Variants in COX10 observed in about 807,000 individuals in gnomAD.
COX10 encodes the protein protoheme IX farnesyltransferase, mitochondrial.
COX10 carries 27 observed loss-of-function variants against 37.3 expected under a neutral mutation model. The observed-to-expected ratio is 0.72, with a 90% confidence interval of 0.53 to 1.00. The LOEUF is 1.00. Ranked by LOEUF, COX10 falls within the 50% of genes least tolerant of loss-of-function variation. The probability of loss-of-function intolerance (pLI) is 0.00; values close to 1 mark genes in which losing one functional copy is unlikely to be tolerated. For missense variants in COX10, 475 were observed against 563.2 expected, an observed-to-expected ratio of 0.84 and a Z score of 1.59; for synonymous variants, 222 against 229.1, an observed-to-expected ratio of 0.97 and a Z score of 0.28.
chr17:14,201,250 T>G lies in COX10; in HGVS notation c.929-5560T>G, dbSNP rs2142269066. ...CACAGCCCCGGCACTAATTCAAGTC[T>G]TCCTGTTCTAGTTCACCTTATCTTG... On this transcript the variant is annotated intron_variant, in intron 6 of 6. Coordinates refer to ENST00000261643, the MANE Select transcript of COX10 (RefSeq NM_001303.4). 2.0e-5 allele frequency among the ~76,000 whole-genome samples: 3 copies of G among 152,366 alleles called. No individual in the cohort carries two copies. In the Middle Eastern group the frequency reaches 0.01, roughly 518 times the overall value.
chr17:14,140,775 A>G (rs1432724119), intron 4 of COX10, among the ~76,000 whole-genome samples: 1 of 152,132 alleles, frequency 6.6e-6, no homozygotes, highest in Non-Finnish European at 1.5e-5. Context: ...AGTAATCTTC[A>G]ATGAGCTTGT....
chr17:14,138,641 G>A (rs1904450070), intron 4 of COX10, among the ~76,000 whole-genome samples: 1 of 152,094 alleles, frequency 6.6e-6, no homozygotes, highest in Admixed American at 6.6e-5. Flanking sequence ...GCCACATTTT[G>A]GACGTATGGT....
chr17:14,084,798 T>C (rs1295745141), intron 3 of COX10, among the ~76,000 whole-genome samples: 3 of 152,084 alleles, frequency 2.0e-5, no homozygotes, highest in Non-Finnish European at 4.4e-5. Flanking sequence ...GTAGTTGGGA[T>C]TATAGGTGCC....
At chr17:14,106,951 G>T (rs1915905311) in intron 4 of COX10, among the ~76,000 whole-genome samples, 1 of 152,122 alleles carries the variant, frequency 6.6e-6, no homozygotes, top group South Asian at 2.1e-4. Context: ...TTACAGTGAG[G>T]TCTTTTTATT....
At chr17:14,127,927 A>ATGTG (rs67774468) in intron 4 of COX10, among the ~76,000 whole-genome samples, 6,969 of 143,622 alleles carry the variant, frequency 0.049, 162 homozygotes, top group South Asian at 0.071. Context: ...GAGTGTGTGT[A>ATGTG]TGTGTGTGTG....
At chr17:14,175,454 G>A (rs1258475358) in intron 5 of COX10, among the ~76,000 whole-genome samples, 1 of 151,564 alleles carries the variant, frequency 6.6e-6, no homozygotes, top group African/African-American at 2.4e-5. Flanking sequence ...TATAAAATGA[G>A]GTTTGTGCCT....
intron 4 of COX10, among the ~76,000 whole-genome samples, chr17:14,103,443 C>T (rs1414458038): frequency 6.6e-6 from 1 of 152,104 alleles, no homozygotes; most frequent in Non-Finnish European, 1.5e-5. Flanking sequence ...TAGTTTTCAG[C>T]CTCCTTTTCG....
chr17:14,204,680 G>T (rs1906641476), intron 6 of COX10, among the ~76,000 whole-genome samples: 1 of 151,792 alleles, frequency 6.6e-6, no homozygotes, highest in South Asian at 2.1e-4. Context: ...CTTAGCACTG[G>T]TGCCCCTCCC....
rs187916491 is a variant in COX10 at position 14,143,459 on chromosome 17, C to T, written c.625-16418C>T. ...ATTGTGGAGAAAATGGGCAGTAGAGCAATTTTACCTAAGCTGAAATGCACT... is the reference window on the plus strand; with the variant it reads ...ATTGTGGAGAAAATGGGCAGTAGAGTAATTTTACCTAAGCTGAAATGCACT... On this transcript the variant is annotated intron_variant, in intron 4 of 6. Transcript: ENST00000261643. Among the ~76,000 whole-genome samples the T allele has an allele frequency of 2.0e-3, 311 of 152,194 alleles. 1 individual carries two copies. Among genetic ancestry groups the T allele is most frequent in the African/African-American group, 7.2e-3 (297 of 41,526 alleles).
intron 4 of COX10, among the ~76,000 whole-genome samples, chr17:14,114,943 A>G (rs189788998): frequency 1.6e-3 from 240 of 152,260 alleles, no homozygotes; most frequent in African/African-American, 5.3e-3. Flanking sequence ...AACTCCTTGT[A>G]TATGGCTCTG....
chr17:14,125,539 A>G (rs1013529546), intron 4 of COX10, among the ~76,000 whole-genome samples: 8 of 152,200 alleles, frequency 5.3e-5, no homozygotes, highest in Admixed American at 1.3e-4. Context: ...AGGCAAATAC[A>G]TTTGAGAGAG....
At chr17:14,193,905 A>G (rs1022524499) in intron 6 of COX10, among the ~76,000 whole-genome samples, 3 of 151,604 alleles carry the variant, frequency 2.0e-5, no homozygotes, top group Admixed American at 6.6e-5. Context: ...TAGGCTGTGC[A>G]TGGGGAGTAT....
In COX10 at chr17:14,207,407, C is replaced by A. The variant is rs1301760730; in HGVS notation, c.*194C>A. ...GCTCCCCAAATAAGAAATGCATCAG[C>A]TCAGTCAGTGAATACAAAAAAGGAA... On this transcript the variant is annotated 3_prime_UTR_variant, in exon 7 of 7. Transcript: ENST00000261643. 1 of 705,898 alleles carries A rather than the reference C, an allele frequency of 1.4e-6. No individual in the cohort carries two copies. Among genetic ancestry groups the A allele is most frequent in the Non-Finnish European group, 2.2e-6 (1 of 445,474 alleles). The allele number at this position is 705,898 out of a possible 1,614,324, so 43.7% of individuals were successfully genotyped here. A position where few individuals can be genotyped will look rare whatever the true frequency, so the allele number is the denominator to read the frequency against.
chr17:14,119,269 C>A (rs1174601188), intron 4 of COX10, among the ~76,000 whole-genome samples: 1 of 152,118 alleles, frequency 6.6e-6, no homozygotes, highest in African/African-American at 2.4e-5. Flanking sequence ...ATGGAGAGTT[C>A]ATCTGCTCTG....
At chr17:14,135,522 ATT>A (rs908354920) in intron 4 of COX10, among the ~76,000 whole-genome samples, 41 of 151,876 alleles carry the variant, frequency 2.7e-4, no homozygotes, top group Non-Finnish European at 5.3e-4. Context: ...AGGGATCTGC[ATT>A]TATAATTAAG....
chr17:14,202,458 A>G (rs1906572206), intron 6 of COX10, among the ~76,000 whole-genome samples: 1 of 151,994 alleles, frequency 6.6e-6, no homozygotes, highest in Non-Finnish European at 1.5e-5. Flanking sequence ...AGGTGCTAAT[A>G]TCTTGTGCCA....
intron 3 of COX10, among the ~76,000 whole-genome samples, chr17:14,090,332 T>G (rs1915498448): frequency 6.6e-6 from 1 of 152,100 alleles, no homozygotes; most frequent in Non-Finnish European, 1.5e-5. Flanking sequence ...ATAAATGAAT[T>G]TTAAAAGAAT....
intron 4 of COX10, among the ~76,000 whole-genome samples, chr17:14,123,787 A>T (rs1325370136): frequency 6.6e-6 from 1 of 152,214 alleles, no homozygotes; most frequent in African/African-American, 2.4e-5. Context: ...TCTCGTGCTC[A>T]CAAGAGGTGT....
At chr17:14,203,954 A>G (rs1193029240) in intron 6 of COX10, among the ~76,000 whole-genome samples, 1 of 152,108 alleles carries the variant, frequency 6.6e-6, no homozygotes, top group Non-Finnish European at 1.5e-5. Context: ...CAGGGACCCC[A>G]TGGAGAAGGT....
Sources: gnomAD v4.1 joint callset for allele counts (sites outside exome capture counted in the v4.1 genomes callset) on GRCh38, gnomAD v4.1.1 for gene constraint, MANE v1.5 for transcripts, NCBI Gene and HGNC (gene_info 2026-07-23, HGNC 2026-07-21) for gene names.